The following CAB39 variants were observed in gnomAD, a reference collection of about 807,000 sequenced individuals.
CAB39 encodes the protein calcium-binding protein 39.
Under a neutral mutation model 40.0 loss-of-function variants are expected in CAB39, and 8 were observed. The observed-to-expected ratio is 0.20, with a 90% CI of 0.12 to 0.36. CAB39 has a LOEUF of 0.36. Among genes scored for constraint, CAB39 ranks in the 10% least tolerant of loss-of-function variants. The pLI is 1.00. For missense variants in CAB39, 270 were observed against 401.1 expected (o/e 0.67, Z 2.79); for synonymous variants, 156 against 141.6 (o/e 1.10, Z -0.72).
rs1696031306 is a variant in CAB39, at chr2:230,798,588, C to CTGAAATA, written c.399-141_399-140insTGAAATA. The CTGAAATA allele has an allele frequency of 1.1e-5, 7 of 621,010 alleles. No individual in the cohort carries two copies. The East Asian group carries it at 2.1e-4, about 19-fold the overall frequency. 38.5% of individuals were successfully genotyped at this position (621,010 alleles called of 1,614,324 possible). ...CACATGCTCTGCTCCGACTGAAATACCTTCTGTAATCTGCGATGGTCATTT... is the reference window on the plus strand; with the variant it reads ...CACATGCTCTGCTCCGACTGAAATACTGAAATACTTCTGTAATCTGCGATGGTCATTT... On this transcript the variant is annotated intron_variant, in intron 4 of 8. Coordinates refer to ENST00000258418, the MANE Select transcript of CAB39 (RefSeq NM_016289.4).
intron 2 of CAB39, among the ~76,000 whole-genome samples, chr2:230,788,722 A>G (rs948246731): frequency 4.6e-5 from 7 of 152,314 alleles, no homozygotes; most frequent in East Asian, 3.9e-4. Context: ...TATTTTAACA[A>G]TGTTCCTCCA....
intron 1 of CAB39, among the ~76,000 whole-genome samples, chr2:230,732,976 T>A (rs1694721282): frequency 6.6e-6 from 1 of 152,208 alleles, no homozygotes; most frequent in South Asian, 2.1e-4. Flanking sequence ...AAAAAAATTT[T>A]AAATATGGAA....
intron 1 of CAB39, among the ~76,000 whole-genome samples, chr2:230,724,895 C>T (rs928920306): frequency 4.0e-5 from 6 of 151,562 alleles, no homozygotes; most frequent in African/African-American, 1.5e-4. Flanking sequence ...GGCCGGGAAT[C>T]CATTCAGGAA....
intron 6 of CAB39, among the ~76,000 whole-genome samples, chr2:230,811,420 T>C (rs1047571359): frequency 2.0e-5 from 3 of 152,220 alleles, no homozygotes; most frequent in East Asian, 1.9e-4. Flanking sequence ...TTGCTGGTCC[T>C]TTATTTTTAT....
At chr2:230,748,813 G>GAA (rs759314442) in intron 1 of CAB39, among the ~76,000 whole-genome samples, 1,786 of 31,640 alleles carry the variant, frequency 0.056, 211 homozygotes, top group Non-Finnish European at 0.074. Context: ...TTTCCAAAAA[G>GAA]AAAAAAAAAA....
intron 1 of CAB39, among the ~76,000 whole-genome samples, chr2:230,753,167 C>T (rs759059204): frequency 2.0e-5 from 3 of 152,124 alleles, no homozygotes; most frequent in Non-Finnish European, 4.4e-5. Flanking sequence ...GAGAAGAAAA[C>T]AACTAGCGGA....
chr2:230,731,069 G>A (rs1456386565), intron 1 of CAB39, among the ~76,000 whole-genome samples: 1 of 152,182 alleles, frequency 6.6e-6, no homozygotes, highest in Non-Finnish European at 1.5e-5. Flanking sequence ...CAGCAGAGCT[G>A]GGATTTAAAC....
At chr2:230,750,693 A>G (rs993142218) in intron 1 of CAB39, among the ~76,000 whole-genome samples, 6 of 152,242 alleles carry the variant, frequency 3.9e-5, no homozygotes, top group African/African-American at 1.4e-4. Context: ...AAGCTGAATC[A>G]AGACTTTAGA....
intron 1 of CAB39, among the ~76,000 whole-genome samples, chr2:230,719,265 G>A (rs1272612613): frequency 6.6e-6 from 1 of 152,172 alleles, no homozygotes; most frequent in Non-Finnish European, 1.5e-5. Flanking sequence ...AACCAAAGTG[G>A]AGGGTTTGTC....
intron 6 of CAB39, among the ~76,000 whole-genome samples, chr2:230,811,152 C>G (rs887539377): frequency 6.6e-6 from 1 of 152,144 alleles, no homozygotes; most frequent in African/African-American, 2.4e-5. Context: ...TCCTGTCTAT[C>G]CTGCAAAATT....
At chr2:230,806,009 C>T (rs1436423183) in intron 5 of CAB39, among the ~76,000 whole-genome samples, 2 of 152,146 alleles carry the variant, frequency 1.3e-5, no homozygotes, top group African/African-American at 4.8e-5. Context: ...TCAGAGAGAC[C>T]AGAATATAGC....
intron 1 of CAB39, among the ~76,000 whole-genome samples, chr2:230,749,554 C>T (rs1024991631): frequency 9.9e-5 from 15 of 152,254 alleles, no homozygotes; most frequent in Admixed American, 6.5e-4. Context: ...GCAAATCGCT[C>T]TGCATGTATA....
chr2:230,817,719 T>C lies in CAB39; in HGVS notation c.694-35T>C, dbSNP rs745532442. On this transcript the variant is annotated intron_variant, in intron 7 of 8. Transcript: ENST00000258418. ...TTAAACTTTGATTTTTCTTTAAGTT[T>C]TAATAACAAGGTAATTGTTTAAATG... The C allele has an allele frequency of 2.6e-6, 4 of 1,510,726 alleles. No individual in the cohort carries two copies. The South Asian group carries it at 3.7e-5, about 14-fold the overall frequency. 93.6% of individuals were successfully genotyped at this position (1,510,726 alleles called of 1,614,324 possible).
Position 230,765,562 on chromosome 2 carries a change from G to T in CAB39, c.114+5447G>T, listed in dbSNP as rs77046339. Among the ~76,000 whole-genome samples the T allele has an allele frequency of 1.1e-3, 168 of 152,088 alleles. 2 individuals are homozygous for T. In the East Asian group the frequency reaches 0.027, roughly 25 times the overall value. Reference sequence around the variant, plus strand: ...AGGTAGGTTATGTAGGGAAAGTCTTGTTGAGAAGGTGACATTGAAAATGAG... The same window carrying T: ...AGGTAGGTTATGTAGGGAAAGTCTTTTTGAGAAGGTGACATTGAAAATGAG... On this transcript the variant is annotated intron_variant, in intron 2 of 8. Coordinates refer to ENST00000258418, the MANE Select transcript of CAB39 (RefSeq NM_016289.4).
chr2:230,819,651 A>G lies in CAB39; in HGVS notation c.*947A>G, dbSNP rs529314739. 37 of 152,688 alleles carry G rather than the reference A, an allele frequency of 2.4e-4. 1 individual carries two copies. Among genetic ancestry groups the G allele is most frequent in the Admixed American group, 1.8e-3 (28 of 15,310 alleles). 9.5% of individuals were successfully genotyped at this position (152,688 alleles called of 1,614,324 possible). On this transcript the variant is annotated 3_prime_UTR_variant, in exon 9 of 9. Transcript: ENST00000258418. ...GAAAATGCTGATTTAACATTTAAGT[A>G]TCACAGCATTAAAAGAAAAAGAAAG...
At chr2:230,777,648 T>A (rs1695617830) in intron 2 of CAB39, among the ~76,000 whole-genome samples, 1 of 152,082 alleles carries the variant, frequency 6.6e-6, no homozygotes, top group Non-Finnish European at 1.5e-5. Context: ...CCTCAAGTGA[T>A]CGCCACCTTG....
At chr2:230,781,165 A>G (rs1434021079) in intron 2 of CAB39, among the ~76,000 whole-genome samples, 1 of 152,158 alleles carries the variant, frequency 6.6e-6, no homozygotes, top group African/African-American at 2.4e-5. Flanking sequence ...CAAGTTTGAG[A>G]TAGGATGCAG....
intron 1 of CAB39, among the ~76,000 whole-genome samples, chr2:230,723,162 T>C (rs1201495935): frequency 6.6e-6 from 1 of 152,176 alleles, no homozygotes; most frequent in East Asian, 1.9e-4. Flanking sequence ...TAAAAGTTAC[T>C]GTTTCCTGTT....
At chr2:230,797,681 A>G (rs1696012486) in intron 4 of CAB39, among the ~76,000 whole-genome samples, 1 of 152,136 alleles carries the variant, frequency 6.6e-6, no homozygotes, top group Admixed American at 6.5e-5. Flanking sequence ...GGTGGGAGCC[A>G]TGAGATTGTA....
Sources: allele counts gnomAD v4.1 joint callset (sites outside exome capture counted in the v4.1 genomes callset), GRCh38; gene constraint gnomAD v4.1.1; transcripts MANE v1.5; gene names NCBI Gene and HGNC (gene_info 2026-07-23, HGNC 2026-07-21).